ATRNL1: variants seen among roughly 807,000 people sequenced by gnomAD.
ATRNL1 encodes the protein attractin like 1.
ATRNL1 carries 95 observed loss-of-function variants against 182.7 expected under a neutral mutation model. The ratio of observed to expected loss-of-function variants is 0.52; its 90% CI spans 0.44 to 0.62. The LOEUF (loss-of-function observed/expected upper bound fraction) is 0.62. Among genes scored for constraint, ATRNL1 ranks in the 20% least tolerant of loss-of-function variants. The pLI, the probability that ATRNL1 is intolerant of heterozygous loss-of-function variation, is 0.00. For synonymous variants in ATRNL1, 576 were observed against 568.3 expected, an observed-to-expected ratio of 1.01 and a Z score of -0.19; for missense variants, 1,471 against 1,679.5, an observed-to-expected ratio of 0.88 and a Z score of 2.17.
chr10:115,458,550 A>G (rs1847637734), intron 21 of ATRNL1, among the ~76,000 whole-genome samples: 1 of 152,096 alleles, frequency 6.6e-6, no homozygotes, highest in Admixed American at 6.6e-5. Context: ...TTTCAACTCT[A>G]TTAAATATAA....
intron 28 of ATRNL1, among the ~76,000 whole-genome samples, chr10:115,925,168 A>G (rs1214715791): frequency 6.6e-6 from 1 of 152,128 alleles, no homozygotes; most frequent in Non-Finnish European, 1.5e-5. Context: ...GGGGCTTTCT[A>G]AATATAAAAT....
At chr10:115,766,670 G>A (rs1156328055) in intron 27 of ATRNL1, among the ~76,000 whole-genome samples, 1 of 152,154 alleles carries the variant, frequency 6.6e-6, no homozygotes, top group African/African-American at 2.4e-5. Flanking sequence ...GAGGGAAGGC[G>A]GGGGATAGAG....
At chr10:115,388,255 A>G (rs561899376) in intron 19 of ATRNL1, among the ~76,000 whole-genome samples, 239 of 152,094 alleles carry the variant, frequency 1.6e-3, no homozygotes, top group African/African-American at 5.6e-3. Flanking sequence ...AAGTCTTTCT[A>G]TTTGTCTCCT....
intron 26 of ATRNL1, among the ~76,000 whole-genome samples, chr10:115,573,845 G>T (rs1854548148): frequency 6.6e-6 from 1 of 152,114 alleles, no homozygotes; most frequent in African/African-American, 2.4e-5. Context: ...CACAGAGAAG[G>T]TCCTTGGAAA....
At chr10:115,342,518 T>C (rs1855799797) in intron 19 of ATRNL1, among the ~76,000 whole-genome samples, 1 of 148,304 alleles carries the variant, frequency 6.7e-6, no homozygotes, top group Non-Finnish European at 1.5e-5. Flanking sequence ...TAACTTGTTA[T>C]TGTTTGTATT....
chr10:115,504,376 A>G (rs1476755338), intron 24 of ATRNL1, among the ~76,000 whole-genome samples: 1 of 152,092 alleles, frequency 6.6e-6, no homozygotes, highest in African/African-American at 2.4e-5. Flanking sequence ...GATGAAGATA[A>G]CATTCCCTTC....
At chr10:115,830,035 A>G (rs1950524855) in intron 27 of ATRNL1, among the ~76,000 whole-genome samples, 1 of 152,218 alleles carries the variant, frequency 6.6e-6, no homozygotes, top group Admixed American at 6.5e-5. Flanking sequence ...GACCTGCAAC[A>G]AGAGAGTCCT....
chr10:115,907,989 T>A (rs1307761729), intron 28 of ATRNL1, among the ~76,000 whole-genome samples: 2 of 152,336 alleles, frequency 1.3e-5, no homozygotes, highest in East Asian at 1.9e-4. Flanking sequence ...TTAAAAGTAA[T>A]AGCTATTTTT....
At chr10:115,567,685 CT>C (rs1324127314) in intron 26 of ATRNL1, among the ~76,000 whole-genome samples, 1 of 152,010 alleles carries the variant, frequency 6.6e-6, no homozygotes, top group Non-Finnish European at 1.5e-5. Context: ...AATGCAGGAA[CT>C]TTTTTTAAAT....
At chr10:115,818,205 C>T (rs1185582572) in intron 27 of ATRNL1, among the ~76,000 whole-genome samples, 2 of 134,210 alleles carry the variant, frequency 1.5e-5, no homozygotes. Context: ...TTTTTTTGGA[C>T]AGTCAGCCAA....
At chr10:115,513,277 G>C (rs532849998) in intron 24 of ATRNL1, among the ~76,000 whole-genome samples, 1 of 151,944 alleles carries the variant, frequency 6.6e-6, no homozygotes, top group Non-Finnish European at 1.5e-5. Context: ...TCTGCTCTCT[G>C]TATCAAATTT....
chr10:115,303,314 T>C (rs1554925212), intron 17 of ATRNL1, among the ~76,000 whole-genome samples: 1 of 143,902 alleles, frequency 6.9e-6, no homozygotes, highest in African/African-American at 2.6e-5. Context: ...AACCTCCACC[T>C]CCCTGGTTCA....
At chr10:115,293,542 T>C (rs1554921635) in intron 15 of ATRNL1, among the ~76,000 whole-genome samples, 1 of 152,194 alleles carries the variant, frequency 6.6e-6, no homozygotes, top group Non-Finnish European at 1.5e-5. Flanking sequence ...CCTTAGTGTG[T>C]TGGCTCTACC....
At chr10:115,155,539 C>G (rs1846471294) in intron 5 of ATRNL1, among the ~76,000 whole-genome samples, 1 of 152,136 alleles carries the variant, frequency 6.6e-6, no homozygotes, top group Non-Finnish European at 1.5e-5. Flanking sequence ...CAAGGTTTCA[C>G]AGCTAGTAAG....
chr10:115,122,719 T>C (rs1554872111), intron 3 of ATRNL1, among the ~76,000 whole-genome samples: 3 of 152,120 alleles, frequency 2.0e-5, no homozygotes, highest in Non-Finnish European at 2.9e-5. Flanking sequence ...TGGACAAAAA[T>C]GTAACGACTT....
At position 115,473,759 on chromosome 10, in the gene ATRNL1, G is replaced by T. The variant is rs892498563; in HGVS notation, c.3654+4430G>T. ...TGATTCAATCACCTTAGTTATTTTT[G>T]ATGTGACCAAGTTTTCTATTTTCAC... On this transcript the variant is annotated intron_variant, in intron 24 of 28. Transcript: ENST00000355044. 6.0e-5 allele frequency among the ~76,000 whole-genome samples: 9 copies of T among 151,174 alleles called. No homozygotes were observed. The East Asian group carries it at 1.6e-3, about 26-fold the overall frequency.
chr10:115,187,624 G>C (rs1223455354), intron 8 of ATRNL1, among the ~76,000 whole-genome samples: 1 of 146,528 alleles, frequency 6.8e-6, no homozygotes, highest in Non-Finnish European at 1.5e-5. Flanking sequence ...ATTTCTTAAA[G>C]TTGATAATTG....
chr10:115,186,102 A>C (rs782816568), intron 8 of ATRNL1, among the ~76,000 whole-genome samples: 3 of 152,070 alleles, frequency 2.0e-5, no homozygotes, highest in Non-Finnish European at 4.4e-5. Context: ...TACATCTGAT[A>C]AGAGATTAAT....
At chr10:115,594,157 CACTT>C (rs1200637059) in intron 26 of ATRNL1, among the ~76,000 whole-genome samples, 15 of 151,988 alleles carry the variant, frequency 9.9e-5, no homozygotes, top group African/African-American at 2.9e-4. Context: ...GAGGGAGAAA[CACTT>C]AGTTATTCTT....
Sources: gnomAD v4.1 joint callset for allele counts (sites outside exome capture counted in the v4.1 genomes callset) on GRCh38, gnomAD v4.1.1 for gene constraint, MANE v1.5 for transcripts, NCBI Gene and HGNC (gene_info 2026-07-23, HGNC 2026-07-21) for gene names.